DSCAML1: variants seen among roughly 807,000 people sequenced by gnomAD.
DSCAML1 encodes DS cell adhesion molecule like 1, also known as cell adhesion molecule DSCAML1.
A neutral mutation model predicts 200.5 loss-of-function variants in DSCAML1; 38 were observed. The ratio of observed to expected loss-of-function variants is 0.19; its 90% CI spans 0.15 to 0.25. The LOEUF (loss-of-function observed/expected upper bound fraction) is 0.25, where lower values mean the gene tolerates loss of function less well. Ranked by LOEUF, DSCAML1 falls within the 10% of genes least tolerant of loss-of-function variation. The pLI is 1.00. For synonymous variants in DSCAML1, 1,215 were observed against 1,165.0 expected (o/e 1.04, Z -0.87); for missense variants, 2,223 against 2,858.8 (o/e 0.78, Z 5.07).
chr11:117,428,198 G>A lies in DSCAML1; in HGVS notation c.*130C>T. 2 of 646,416 alleles carry A rather than the reference G, an allele frequency of 3.1e-6. No homozygotes were observed. The highest frequency in any genetic ancestry group is 2.9e-5 in the East Asian group (1 of 34,666). 40.0% of individuals were successfully genotyped at this position (646,416 alleles called of 1,614,324 possible). ...TTCTATGTACAGGCGTTCATGATTG[G>A]GGGTTTTTGTTTTGTCGTTGGTTGG... On this transcript the variant is annotated 3_prime_UTR_variant, in exon 33 of 33. Coordinates refer to ENST00000651296, the MANE Select transcript of DSCAML1 (RefSeq NM_020693.4).
intron 11 of DSCAML1, among the ~76,000 whole-genome samples, chr11:117,496,183 T>G (rs893391375): frequency 1.1e-4 from 16 of 152,208 alleles, no homozygotes; most frequent in Admixed American, 2.0e-4. Context: ...TAGCACGTGA[T>G]CTTGTCTTGT....
rs551978907 is a variant in DSCAML1 at position 117,437,424 on chromosome 11, GGAGA to G, written c.4433-19_4433-16del. 3.7e-6 allele frequency: 6 copies of G among 1,607,390 alleles called. No homozygotes were observed. The highest frequency in any genetic ancestry group is 5.1e-6 in the Non-Finnish European group (6 of 1,175,292). ...GAAGGAGGGCTCTGGCAGGCCGGAG[GGAGA>G]GAGAGAGGTTAGAGAGATTTGGTGG... On this transcript the variant is annotated splice_polypyrimidine_tract_variant and intron_variant, in intron 25 of 32. Coordinates refer to ENST00000651296, the MANE Select transcript of DSCAML1 (RefSeq NM_020693.4). The surrounding 1 kb of genome is among the most constrained non-coding windows in gnomAD (Gnocchi z 5.3).
chr11:117,521,442 G>A, intron 5 of DSCAML1, 37 bp from the exon 6 acceptor site: 1 of 1,598,694 alleles, frequency 6.3e-7, no homozygotes, highest in Non-Finnish European at 8.5e-7. Flanking sequence ...GGAAATGGGA[G>A]GGAGGAAAGA....
At position 117,428,585 on chromosome 11, in the gene DSCAML1, A is replaced by G. The variant is rs543223903; in HGVS notation, c.5905T>C (p.Leu1969=). ...GGCATGGCCAGAGTCCTCTGAGGTA[A>G]GGTGGCTGTGGAGGCGGCAGCGGGG... ...GAPAAASTAT[L]PQRTLAMPAP... Residue 1969 remains leucine (L), a synonymous_variant, in exon 33 of 33, where the codon TTA becomes CTA. Transcript: ENST00000651296. 5.6e-6 allele frequency: 9 copies of G among 1,593,452 alleles called. No homozygotes were observed. Among genetic ancestry groups the G allele is most frequent in the African/African-American group, 1.3e-5 (1 of 74,642 alleles).
intron 11 of DSCAML1, among the ~76,000 whole-genome samples, chr11:117,494,496 A>G (rs1462582841): frequency 6.6e-6 from 1 of 152,230 alleles, no homozygotes; most frequent in Non-Finnish European, 1.5e-5. Flanking sequence ...AGCAGCAGTT[A>G]TAGGATGCAG....
At chr11:117,705,928 G>A (rs1172040214) in intron 3 of DSCAML1, among the ~76,000 whole-genome samples, 1 of 152,198 alleles carries the variant, frequency 6.6e-6, no homozygotes, top group Non-Finnish European at 1.5e-5. Context: ...CCAGCGCCCT[G>A]GGTAGAATAG....
At chr11:117,450,291 TG>T (rs1208535423) in intron 20 of DSCAML1, among the ~76,000 whole-genome samples, 1 of 152,246 alleles carries the variant, frequency 6.6e-6, no homozygotes, top group African/African-American at 2.4e-5. Context: ...CCTGCCTGGT[TG>T]GGCATGGCCC....
intron 1 of DSCAML1, among the ~76,000 whole-genome samples, chr11:117,796,030 C>G (rs2055567066): frequency 6.6e-6 from 1 of 152,260 alleles, no homozygotes; most frequent in Non-Finnish European, 1.5e-5. Context: ...GCCTCATCTC[C>G]CGCCATCTGC....
chr11:117,766,659 G>A (rs920885134), intron 3 of DSCAML1, among the ~76,000 whole-genome samples: 24 of 152,314 alleles, frequency 1.6e-4, no homozygotes, highest in African/African-American at 4.6e-4. Context: ...GGGGCAGAGC[G>A]TTTGCCTGCA....
chr11:117,627,086 A>G (rs2052062041), intron 3 of DSCAML1, among the ~76,000 whole-genome samples: 2 of 152,174 alleles, frequency 1.3e-5, no homozygotes, highest in South Asian at 2.1e-4. Flanking sequence ...CATTAGACTA[A>G]TAACAGCAGA....
At chr11:117,817,287 C>G (rs1195516350) in intron 1 of DSCAML1, 1 of 152,330 alleles carries the variant, frequency 6.6e-6, no homozygotes, top group Non-Finnish European at 1.5e-5. Flanking sequence ...CAGGGCAGAG[C>G]TACCTGCCCT....
chr11:117,597,691 A>C (rs2051387996), intron 3 of DSCAML1, among the ~76,000 whole-genome samples: 1 of 152,028 alleles, frequency 6.6e-6, no homozygotes, highest in African/African-American at 2.4e-5. Context: ...CCTGACCTCA[A>C]GTGATCCACC....
intron 3 of DSCAML1, among the ~76,000 whole-genome samples, chr11:117,617,675 T>TACATGC (rs2137543267): frequency 9.3e-6 from 1 of 107,740 alleles, no homozygotes; most frequent in East Asian, 2.9e-4. Flanking sequence ...AACACACAGG[T>TACATGC]ACACGCACAC....
intron 3 of DSCAML1, among the ~76,000 whole-genome samples, chr11:117,546,135 A>T (rs1293998636): frequency 6.6e-6 from 1 of 152,344 alleles, no homozygotes; most frequent in South Asian, 2.1e-4. Context: ...AGGTCCCACC[A>T]TCTTTATCTC....
intron 2 of DSCAML1, among the ~76,000 whole-genome samples, chr11:117,779,956 G>A (rs932037843): frequency 6.6e-6 from 1 of 151,824 alleles, no homozygotes; most frequent in Admixed American, 6.6e-5. Context: ...ATAAGTCAAG[G>A]GGGCTGAAGT....
chr11:117,521,622 G>C (rs4938397), intron 5 of DSCAML1, among the ~76,000 whole-genome samples: 1 of 151,910 alleles, frequency 6.6e-6, no homozygotes, highest in African/African-American at 2.4e-5. Context: ...AGGGATCTCT[G>C]GGTATTTGTT....
intron 3 of DSCAML1, among the ~76,000 whole-genome samples, chr11:117,539,564 C>T (rs552224175): frequency 3.2e-4 from 45 of 139,944 alleles, no homozygotes; most frequent in Middle Eastern, 7.9e-3. Flanking sequence ...GCTGAGATCA[C>T]GCCATTGCAC....
At chr11:117,641,901 T>C (rs1157170757) in intron 3 of DSCAML1, among the ~76,000 whole-genome samples, 1 of 152,050 alleles carries the variant, frequency 6.6e-6, no homozygotes, top group Non-Finnish European at 1.5e-5. Flanking sequence ...ATTGAGTCCG[T>C]CTTACCCACG....
intron 21 of DSCAML1, among the ~76,000 whole-genome samples, chr11:117,441,250 A>T (rs2048040208): frequency 1.3e-5 from 2 of 152,226 alleles, no homozygotes; most frequent in African/African-American, 4.8e-5. Context: ...CAGGCTTGGC[A>T]GGAAGGACCG....
Sources: gnomAD v4.1 joint callset for allele counts (sites outside exome capture counted in the v4.1 genomes callset) on GRCh38, gnomAD v4.1.1 for gene constraint, Gnocchi (gnomAD v3.1) non-coding constraint, MANE v1.5 for transcripts, NCBI Gene and HGNC (gene_info 2026-07-23, HGNC 2026-07-21) for gene names.